The following CNTN5 variants were observed in gnomAD, a reference collection of about 807,000 sequenced individuals.
The protein encoded by CNTN5 is contactin-5.
In CNTN5, 77 loss-of-function variants were observed where a neutral mutation model predicts 129.1. The observed-to-expected ratio is 0.60, with a 90% CI of 0.50 to 0.72. The LOEUF (loss-of-function observed/expected upper bound fraction) is 0.72, where lower values mean the gene tolerates loss of function less well. CNTN5 is among the 30% of genes least tolerant of loss of function. The pLI is 0.00. For missense variants in CNTN5, 1,478 were observed against 1,328.8 expected, an observed-to-expected ratio of 1.11 and a Z score of -1.75; for synonymous variants, 509 against 465.6, an observed-to-expected ratio of 1.09 and a Z score of -1.20.
chr11:99,612,755 G>T (rs1345732592), intron 3 of CNTN5, among the ~76,000 whole-genome samples: 1 of 152,104 alleles, frequency 6.6e-6, no homozygotes, highest in Non-Finnish European at 1.5e-5. Context: ...CATTTCATAT[G>T]ATTCCCTCTT....
At position 99,380,230 on chromosome 11, in the gene CNTN5, T is replaced by C. The variant is rs74873067; in HGVS notation, c.-71+54746T>C. Among the ~76,000 whole-genome samples the C allele has an allele frequency of 3.4e-3, 517 of 152,226 alleles. 3 individuals carry two copies. Among genetic ancestry groups the C allele is most frequent in the African/African-American group, 0.011 (475 of 41,534 alleles). On this transcript the variant is annotated intron_variant, in intron 2 of 24. Transcript: ENST00000524871. ...TTTGGTGCAAAGGACCAAATGATGT[T>C]TATACTTTTTTTCAGAGAATACTAC...
At chr11:99,727,432 G>T (rs1234496521) in intron 3 of CNTN5, among the ~76,000 whole-genome samples, 1 of 150,496 alleles carries the variant, frequency 6.6e-6, no homozygotes, top group African/African-American at 2.4e-5. Flanking sequence ...TTTTGTTTCT[G>T]ATATGACAAG....
chr11:99,462,341 T>G (rs1003647862), intron 2 of CNTN5, among the ~76,000 whole-genome samples: 1 of 136,780 alleles, frequency 7.3e-6, no homozygotes, highest in African/African-American at 2.6e-5. Context: ...TTCTTTTTTT[T>G]CTTTTTTTCT....
At chr11:99,476,471 T>C (rs1945375676) in intron 2 of CNTN5, among the ~76,000 whole-genome samples, 1 of 152,162 alleles carries the variant, frequency 6.6e-6, no homozygotes, top group South Asian at 2.1e-4. Flanking sequence ...AAAAATTACT[T>C]CATGAGTTAT....
intron 2 of CNTN5, among the ~76,000 whole-genome samples, chr11:99,352,358 T>C (rs1330040187): frequency 6.6e-6 from 1 of 152,144 alleles, no homozygotes; most frequent in Non-Finnish European, 1.5e-5. Context: ...ATTTTGAGAG[T>C]ATTAATGCAG....
rs560691080 is a variant in CNTN5, at chr11:100,063,752, C to T, written c.1162+2359C>T. Among the ~76,000 whole-genome samples the T allele has an allele frequency of 4.7e-5, 7 of 149,626 alleles. No homozygotes were observed. In the East Asian group the frequency reaches 7.9e-4, roughly 17 times the overall value. ...AATACAAAAAATTATCTGAGCATGG[C>T]GTTGCACTCCTGTGGTCCCAAATAC... On this transcript the variant is annotated intron_variant, in intron 10 of 24. Coordinates refer to ENST00000524871, the MANE Select transcript of CNTN5 (RefSeq NM_014361.4).
chr11:100,327,313 G>T (rs1218597010), intron 21 of CNTN5, among the ~76,000 whole-genome samples: 1 of 152,108 alleles, frequency 6.6e-6, no homozygotes, highest in Non-Finnish European at 1.5e-5. Context: ...AGCATCAAGT[G>T]CACCACACAC....
intron 8 of CNTN5, among the ~76,000 whole-genome samples, chr11:100,000,441 T>C (rs1939785464): frequency 6.6e-6 from 1 of 152,326 alleles, no homozygotes; most frequent in Non-Finnish European, 1.5e-5. Context: ...GGCATGATGA[T>C]AGAAGGCATA....
chr11:100,263,824 T>C (rs1032575469), intron 17 of CNTN5, among the ~76,000 whole-genome samples: 7 of 152,166 alleles, frequency 4.6e-5, no homozygotes, highest in African/African-American at 1.7e-4. Context: ...ATTCATCCTC[T>C]TGCCTACAGC....
chr11:99,238,475 T>C (rs1861387165), intron 1 of CNTN5, among the ~76,000 whole-genome samples: 1 of 152,160 alleles, frequency 6.6e-6, no homozygotes, highest in Non-Finnish European at 1.5e-5. Context: ...GGAACTCTCA[T>C]ATAGTTGTAA....
chr11:99,073,612 A>G (rs1204474234), intron 1 of CNTN5, among the ~76,000 whole-genome samples: 1 of 151,072 alleles, frequency 6.6e-6, no homozygotes, highest in South Asian at 2.1e-4. Flanking sequence ...ATGTGTTCTC[A>G]CTGTTCAGCT....
rs566204106 is a variant in CNTN5, at chr11:99,143,843, A to T, written c.-210+122573A>T. Reference sequence around the variant, plus strand: ...GATAGTTTACAGGATAAGACTTTTGAAAAGACCTGTTTTAGAGCTAAGAGG... The same window carrying T: ...GATAGTTTACAGGATAAGACTTTTGTAAAGACCTGTTTTAGAGCTAAGAGG... On this transcript the variant is annotated intron_variant, in intron 1 of 24. Transcript: ENST00000524871. Among the ~76,000 whole-genome samples, 4 of 152,260 alleles carry T rather than the reference A, an allele frequency of 2.6e-5. No homozygotes were observed. In the South Asian group the frequency reaches 8.3e-4, roughly 32 times the overall value.
chr11:99,463,779 TTAA>T (rs1318653177), intron 2 of CNTN5, among the ~76,000 whole-genome samples: 136 of 648 alleles, frequency 0.21, no homozygotes, highest in African/African-American at 0.29. Context: ...TACAAATTAA[TTAA>T]ATTCTGTAAA....
intron 14 of CNTN5, among the ~76,000 whole-genome samples, chr11:100,191,691 T>G (rs913188767): frequency 6.6e-6 from 1 of 152,062 alleles, no homozygotes; most frequent in Non-Finnish European, 1.5e-5. Context: ...GGTATAGGAC[T>G]TCGCATTAGA....
At chr11:99,560,268 G>GTATCATTAT (rs1555027599) in intron 3 of CNTN5, among the ~76,000 whole-genome samples, 37 of 141,980 alleles carry the variant, frequency 2.6e-4, no homozygotes, top group South Asian at 1.8e-3. Context: ...GAATCTAACT[G>GTATCATTAT]TATTATTATT....
chr11:99,147,069 A>G (rs966146804), intron 1 of CNTN5, among the ~76,000 whole-genome samples: 3 of 152,188 alleles, frequency 2.0e-5, no homozygotes, highest in Non-Finnish European at 4.4e-5. Flanking sequence ...GTCATATGTG[A>G]GATACTATGT....
intron 1 of CNTN5, among the ~76,000 whole-genome samples, chr11:99,125,109 A>G (rs1266427109): frequency 2.0e-5 from 3 of 152,116 alleles, no homozygotes; most frequent in Non-Finnish European, 2.9e-5. Context: ...TCCATAACTC[A>G]TTCTGTGTGG....
chr11:99,241,070 T>G (rs1170387362), intron 1 of CNTN5, among the ~76,000 whole-genome samples: 1 of 152,222 alleles, frequency 6.6e-6, no homozygotes, highest in Non-Finnish European at 1.5e-5. Context: ...GAAGGTATTT[T>G]TATTTTGTAA....
intron 1 of CNTN5, among the ~76,000 whole-genome samples, chr11:99,262,014 T>A (rs544126994): frequency 6.6e-6 from 1 of 152,108 alleles, no homozygotes; most frequent in East Asian, 1.9e-4. Context: ...GAAATTAAGG[T>A]TTATTTCTAA....
Sources: allele counts gnomAD v4.1 joint callset (sites outside exome capture counted in the v4.1 genomes callset), GRCh38; gene constraint gnomAD v4.1.1; transcripts MANE v1.5; gene names NCBI Gene and HGNC (gene_info 2026-07-23, HGNC 2026-07-21).